The following CCDC178 variants were observed in gnomAD, a reference collection of about 807,000 sequenced individuals.
CCDC178 encodes coiled-coil domain containing 178, also known as coiled-coil domain-containing protein 178.
CCDC178 carries 126 observed loss-of-function variants against 117.4 expected under a neutral mutation model. The observed-to-expected ratio is 1.07, with a 90% CI of 0.93 to 1.24. The LOEUF (loss-of-function observed/expected upper bound fraction) is 1.24, where lower values mean the gene tolerates loss of function less well. CCDC178 is among the 50% of genes most tolerant of loss of function. The probability of loss-of-function intolerance (pLI) is 0.00; values close to 1 mark genes in which losing one functional copy is unlikely to be tolerated. For missense variants in CCDC178, 1,030 were observed against 986.9 expected, an observed-to-expected ratio of 1.04 and a Z score of -0.59; for synonymous variants, 283 against 313.4, an observed-to-expected ratio of 0.90 and a Z score of 1.02.
chr18:33,032,777 G>A (rs2056369346), intron 21 of CCDC178, among the ~76,000 whole-genome samples: 1 of 151,976 alleles, frequency 6.6e-6, no homozygotes, highest in African/African-American at 2.4e-5. Context: ...ATTGACAGAG[G>A]AGAGACAAAT....
At chr18:32,979,519 A>G (rs1446578374) in intron 21 of CCDC178, among the ~76,000 whole-genome samples, 1 of 152,238 alleles carries the variant, frequency 6.6e-6, no homozygotes, top group Non-Finnish European at 1.5e-5. Context: ...ATTTATTACC[A>G]TAAAATAAAA....
intron 22 of CCDC178, among the ~76,000 whole-genome samples, chr18:32,972,959 C>T (rs543342100): frequency 7.2e-5 from 11 of 152,206 alleles, no homozygotes; most frequent in Admixed American, 4.6e-4. Flanking sequence ...ATGCTGCTCA[C>T]GTTCCCCAAA....
intron 20 of CCDC178, among the ~76,000 whole-genome samples, chr18:33,201,546 C>G (rs2058989019): frequency 6.6e-6 from 1 of 152,192 alleles, no homozygotes; most frequent in Admixed American, 6.5e-5. Flanking sequence ...GTTAAAAGAA[C>G]AGGCTCTGCC....
chr18:33,379,036 C>T (rs2063399824), intron 5 of CCDC178, among the ~76,000 whole-genome samples: 1 of 150,166 alleles, frequency 6.7e-6, no homozygotes, highest in Non-Finnish European at 1.5e-5. Flanking sequence ...GAGATGCTGG[C>T]AACTCTAAAT....
At position 33,421,446 on chromosome 18, in the gene CCDC178, A is replaced by C. The variant is rs138208908; in HGVS notation, c.-22-9336T>G. Among the ~76,000 whole-genome samples the C allele has an allele frequency of 5.1e-3, 783 of 152,334 alleles. 3 individuals carry two copies. Among genetic ancestry groups the C allele is most frequent in the South Asian group, 0.013 (63 of 4,834 alleles). On this transcript the variant is annotated intron_variant, in intron 2 of 22. Transcript: ENST00000383096. Reference sequence around the variant, plus strand: ...GTTCTTGCCAGGAAGCTGATTGTTAAAATTTTATGAATTTTGCAAGCCAGT... The same window carrying C: ...GTTCTTGCCAGGAAGCTGATTGTTACAATTTTATGAATTTTGCAAGCCAGT...
At chr18:33,233,731 G>T (rs939550133) in intron 15 of CCDC178, among the ~76,000 whole-genome samples, 4 of 151,824 alleles carry the variant, frequency 2.6e-5, no homozygotes, top group African/African-American at 9.7e-5. Context: ...TCACCCAAAG[G>T]TACCATATAG....
intron 22 of CCDC178, among the ~76,000 whole-genome samples, chr18:32,957,247 G>C (rs1029826677): frequency 2.6e-5 from 4 of 152,126 alleles, no homozygotes; most frequent in African/African-American, 7.2e-5. Context: ...CAGTCTTGTG[G>C]TATTTGCTAG....
intron 2 of CCDC178, among the ~76,000 whole-genome samples, chr18:33,430,909 A>G (rs955313481): frequency 2.7e-5 from 4 of 150,686 alleles, no homozygotes; most frequent in South Asian, 2.1e-4. Context: ...CATCTCTACT[A>G]AAAACACACA....
intron 20 of CCDC178, among the ~76,000 whole-genome samples, chr18:33,097,952 T>C (rs1055362127): frequency 6.6e-6 from 1 of 152,078 alleles, no homozygotes; most frequent in Non-Finnish European, 1.5e-5. Context: ...GTCTGACGCA[T>C]TCCCTGGCAA....
chr18:33,221,155 A>G (rs188852181), intron 18 of CCDC178, among the ~76,000 whole-genome samples: 391 of 152,010 alleles, frequency 2.6e-3, no homozygotes, highest in Middle Eastern at 0.02. Flanking sequence ...GAGAAGCTAC[A>G]CTCTCTTTCA....
intron 6 of CCDC178, among the ~76,000 whole-genome samples, chr18:33,357,578 T>A (rs1253380571): frequency 6.6e-6 from 1 of 152,252 alleles, no homozygotes; most frequent in Non-Finnish European, 1.5e-5. Context: ...GTTCACATAT[T>A]TAGCTTTCCA....
rs57033642 is a variant in CCDC178, at chr18:33,087,566, TTGTGTGTGTG to T, written c.2388+5185_2388+5194del. On this transcript the variant is annotated intron_variant, in intron 21 of 22. Transcript: ENST00000383096. ...TCTAAGAAACAGGGGCCAAAGCCAT[TTGTGTGTGTG>T]TGTGTGTGTGTGTGTGTGTGTGTGT... Among the ~76,000 whole-genome samples the T allele has an allele frequency of 6.6e-3, 960 of 146,126 alleles. 13 individuals are homozygous for T. Among genetic ancestry groups the T allele is most frequent in the African/African-American group, 0.022 (855 of 39,636 alleles).
At chr18:33,274,769 G>C (rs1568107277) in intron 12 of CCDC178, among the ~76,000 whole-genome samples, 1 of 151,996 alleles carries the variant, frequency 6.6e-6, no homozygotes, top group Non-Finnish European at 1.5e-5. Flanking sequence ...AAAATTCAGT[G>C]CCTAAGGGTC....
intron 21 of CCDC178, among the ~76,000 whole-genome samples, chr18:33,081,213 A>G (rs1254328498): frequency 6.6e-6 from 1 of 152,224 alleles, no homozygotes; most frequent in African/African-American, 2.4e-5. Flanking sequence ...CATAGTGACT[A>G]TTATTAATAT....
At chr18:32,994,814 T>C (rs1454495691) in intron 21 of CCDC178, among the ~76,000 whole-genome samples, 1 of 152,300 alleles carries the variant, frequency 6.6e-6, no homozygotes, top group East Asian at 1.9e-4. Context: ...AATTCAATGA[T>C]GATTATCCAT....
At chr18:33,408,489 T>C (rs1049043199) in intron 3 of CCDC178, among the ~76,000 whole-genome samples, 3 of 151,956 alleles carry the variant, frequency 2.0e-5, no homozygotes, top group Non-Finnish European at 2.9e-5. Flanking sequence ...AAATAAAATA[T>C]ATAGAACTGT....
chr18:33,131,973 T>G (rs2070154510), intron 20 of CCDC178, among the ~76,000 whole-genome samples: 3 of 147,710 alleles, frequency 2.0e-5, no homozygotes, highest in Admixed American at 6.7e-5. Context: ...AAAGTTATAT[T>G]GATTGTTTGT....
At chr18:32,989,282 ATTCTAG>A (rs1414939685) in intron 21 of CCDC178, among the ~76,000 whole-genome samples, 1 of 152,232 alleles carries the variant, frequency 6.6e-6, no homozygotes, top group Non-Finnish European at 1.5e-5. Context: ...GGTGATATTT[ATTCTAG>A]GAACGCAAGA....
chr18:33,424,893 T>A (rs911077979), intron 2 of CCDC178, among the ~76,000 whole-genome samples: 1 of 152,170 alleles, frequency 6.6e-6, no homozygotes, highest in Non-Finnish European at 1.5e-5. Flanking sequence ...TATCTGCCCA[T>A]CCACTCACTC....
Sources: gnomAD v4.1 joint callset for allele counts (sites outside exome capture counted in the v4.1 genomes callset) on GRCh38, gnomAD v4.1.1 for gene constraint, MANE v1.5 for transcripts, NCBI Gene and HGNC (gene_info 2026-07-23, HGNC 2026-07-21) for gene names.